ARHGAP22: variants seen among roughly 807,000 people sequenced by gnomAD.
ARHGAP22 encodes the protein Rho GTPase activating protein 22, also known as rho GTPase-activating protein 22.
In ARHGAP22, 48 loss-of-function variants were observed where a neutral mutation model predicts 59.1. The ratio of observed to expected loss-of-function variants is 0.81; its 90% CI spans 0.64 to 1.03. ARHGAP22 has a LOEUF of 1.03. Ranked by LOEUF, ARHGAP22 falls within the 50% of genes least tolerant of loss-of-function variation. The pLI, the probability that ARHGAP22 is intolerant of heterozygous loss-of-function variation, is 0.00. For synonymous variants in ARHGAP22, 445 were observed against 416.4 expected, an observed-to-expected ratio of 1.07 and a Z score of -0.84; for missense variants, 1,015 against 958.7, an observed-to-expected ratio of 1.06 and a Z score of -0.78.
chr10:48,586,073 A>G (rs1047997612), intron 1 of ARHGAP22, among the ~76,000 whole-genome samples: 3 of 152,028 alleles, frequency 2.0e-5, no homozygotes, highest in African/African-American at 4.8e-5. Context: ...GCACTTGTTC[A>G]TGTGGATTTA....
intron 3 of ARHGAP22, chr10:48,546,327 C>T (rs1590085346): frequency 6.6e-6 from 1 of 152,362 alleles, no homozygotes. Flanking sequence ...ATCTTTCTAA[C>T]ACATAGTTTT....
Position 48,459,846 on chromosome 10 carries a change from T to G in ARHGAP22, c.497A>C (p.Lys166Thr). 1 of 1,613,328 alleles carries G rather than the reference T, an allele frequency of 6.2e-7. No homozygotes were observed. The highest frequency in any genetic ancestry group is 8.5e-7 in the Non-Finnish European group (1 of 1,180,042). The change falls in exon 5 of 10, where the codon AAG (lysine) becomes ACG (threonine). Residue 166 changes from lysine (K) to threonine (T), a missense_variant. Transcript: ENST00000249601. ...RLEETVHHER[K>T]YGPRLAPLLV... ...CAGGGGCGCCAGGCGGGGGCCATAC[T>G]TCCGCTCGTGGTGGACTGTTTCCTC...
intron 3 of ARHGAP22, among the ~76,000 whole-genome samples, chr10:48,516,310 A>AGGTT (rs1291210046): frequency 1.3e-5 from 2 of 152,152 alleles, no homozygotes; most frequent in South Asian, 4.1e-4. Flanking sequence ...GGACTGCTTG[A>AGGTT]GGTTAAGAGT....
At chr10:48,493,549 T>C in intron 3 of ARHGAP22, 1 of 1,523,144 alleles carries the variant, frequency 6.6e-7, no homozygotes, top group Non-Finnish European at 8.8e-7. Flanking sequence ...CCTGTTGGGG[T>C]GCAGAAAACC....
chr10:48,590,726 T>C (rs1248204607), intron 1 of ARHGAP22, among the ~76,000 whole-genome samples: 2 of 152,102 alleles, frequency 1.3e-5, no homozygotes, highest in Non-Finnish European at 1.5e-5. Context: ...TCACTGAGGA[T>C]GGTAAACTTG....
At chr10:48,529,418 C>T (rs767326026) in intron 3 of ARHGAP22, among the ~76,000 whole-genome samples, 2 of 152,142 alleles carry the variant, frequency 1.3e-5, no homozygotes, top group African/African-American at 2.4e-5. Context: ...GACTCTGGAC[C>T]AATTCTGGGT....
chr10:48,463,353 T>G (rs1481958287), intron 4 of ARHGAP22, among the ~76,000 whole-genome samples: 1 of 152,116 alleles, frequency 6.6e-6, no homozygotes, highest in Admixed American at 6.5e-5. Context: ...GTAGGAAAGG[T>G]AGCAATGGGA....
At chr10:48,546,309 C>T (rs529931094) in intron 3 of ARHGAP22, among the ~76,000 whole-genome samples, 62 of 152,164 alleles carry the variant, frequency 4.1e-4, no homozygotes, top group Non-Finnish European at 8.2e-4. Flanking sequence ...GTTGGTCTAC[C>T]CTGAGTGATC....
chr10:48,528,813 T>C (rs554988529), intron 3 of ARHGAP22, among the ~76,000 whole-genome samples: 1 of 150,744 alleles, frequency 6.6e-6, no homozygotes, highest in South Asian at 2.1e-4. Context: ...CTCCTTTTTC[T>C]CTCTCTCTCT....
intron 3 of ARHGAP22, among the ~76,000 whole-genome samples, chr10:48,530,080 T>A (rs1489187677): frequency 6.6e-6 from 1 of 151,920 alleles, no homozygotes; most frequent in Non-Finnish European, 1.5e-5. Flanking sequence ...CTACTAAATA[T>A]ACAAAAATTA....
intron 1 of ARHGAP22, chr10:48,652,164 C>G: frequency 7.0e-7 from 1 of 1,427,798 alleles, no homozygotes; most frequent in Non-Finnish European, 9.5e-7. Context: ...CTCCGGGGAC[C>G]CCATCCCTCA....
chr10:48,591,716 A>C (rs929951468), intron 1 of ARHGAP22, among the ~76,000 whole-genome samples: 2 of 152,192 alleles, frequency 1.3e-5, no homozygotes, highest in East Asian at 1.9e-4. Context: ...TCTACAAAAA[A>C]TACAAAAATT....
chr10:48,518,386 T>C (rs919708655), intron 3 of ARHGAP22, among the ~76,000 whole-genome samples: 2 of 152,116 alleles, frequency 1.3e-5, no homozygotes, highest in Non-Finnish European at 2.9e-5. Flanking sequence ...GAACAGATTG[T>C]GCAAAGTAAT....
intron 4 of ARHGAP22, among the ~76,000 whole-genome samples, chr10:48,466,310 C>G (rs1413147576): frequency 6.6e-6 from 1 of 151,958 alleles, no homozygotes; most frequent in East Asian, 1.9e-4. Context: ...ACATGCGGGA[C>G]GCCCACAGCC....
At chr10:48,653,869 G>A (rs913458612), upstream of ARHGAP22, among the ~76,000 whole-genome samples, 13 of 152,320 alleles carry the variant, frequency 8.5e-5, no homozygotes, top group African/African-American at 2.6e-4. Context: ...GGTGTAGGAT[G>A]CCCAGTTAGT....
downstream of ARHGAP22, among the ~76,000 whole-genome samples, chr10:48,441,934 T>G (rs1204692661): frequency 6.6e-6 from 1 of 152,200 alleles, no homozygotes; most frequent in Non-Finnish European, 1.5e-5. Context: ...TCTTGATGCC[T>G]CACACTGGGA....
chr10:48,589,313 CAA>C (rs2059617172), intron 1 of ARHGAP22, among the ~76,000 whole-genome samples: 1 of 152,134 alleles, frequency 6.6e-6, no homozygotes, highest in Admixed American at 6.5e-5. Flanking sequence ...CGTTTTTGCT[CAA>C]GTTTCTTTCC....
intron 3 of ARHGAP22, among the ~76,000 whole-genome samples, chr10:48,549,041 G>A (rs1369886411): frequency 6.6e-6 from 1 of 152,222 alleles, no homozygotes; most frequent in Non-Finnish European, 1.5e-5. Flanking sequence ...TTAGTCCCAG[G>A]AGTGTGGTGA....
At chr10:48,533,266 C>A (rs1472066028) in intron 3 of ARHGAP22, among the ~76,000 whole-genome samples, 3 of 145,316 alleles carry the variant, frequency 2.1e-5, no homozygotes, top group Non-Finnish European at 4.5e-5. Flanking sequence ...CCCCATACAT[C>A]TTTTTCTAGA....
Sources: gnomAD v4.1 joint callset for allele counts (sites outside exome capture counted in the v4.1 genomes callset) on GRCh38, gnomAD v4.1.1 for gene constraint, MANE v1.5 for transcripts, NCBI Gene and HGNC (gene_info 2026-07-23, HGNC 2026-07-21) for gene names.